Variants in COP1 observed in about 807,000 individuals in gnomAD.
COP1 encodes COP1 E3 ubiquitin ligase.
In COP1, 24 loss-of-function variants were observed where a neutral mutation model predicts 101.3. The observed-to-expected ratio is 0.24, with a 90% CI of 0.17 to 0.33. COP1 has a LOEUF of 0.33. COP1 is among the 10% of genes least tolerant of loss of function. The probability of loss-of-function intolerance (pLI) is 1.00; values close to 1 mark genes in which losing one functional copy is unlikely to be tolerated. For synonymous variants in COP1, 347 were observed against 341.9 expected, an observed-to-expected ratio of 1.01 and a Z score of -0.17; for missense variants, 663 against 906.2, an observed-to-expected ratio of 0.73 and a Z score of 3.45.
chr1:176,110,854 A>G (rs1161854242), intron 9 of COP1, among the ~76,000 whole-genome samples: 1 of 152,206 alleles, frequency 6.6e-6, no homozygotes, highest in East Asian at 1.9e-4. Flanking sequence ...TCAATAAAAA[A>G]TAGTAATAGA....
intron 9 of COP1, among the ~76,000 whole-genome samples, chr1:176,103,296 G>A (rs1025074086): frequency 1.3e-5 from 2 of 152,216 alleles, no homozygotes; most frequent in African/African-American, 4.8e-5. Context: ...CTGGTCAAAA[G>A]ATCACCAAGT....
intron 14 of COP1, among the ~76,000 whole-genome samples, chr1:176,033,614 A>G (rs1416355587): frequency 1.3e-5 from 2 of 152,148 alleles, no homozygotes; most frequent in East Asian, 3.8e-4. Flanking sequence ...AAAGGAAAAT[A>G]TATTTCTCCA....
intron 9 of COP1, among the ~76,000 whole-genome samples, chr1:176,091,081 C>T (rs1681193653): frequency 6.6e-6 from 1 of 152,048 alleles, no homozygotes; most frequent in Non-Finnish European, 1.5e-5. Context: ...GCAAAAAGGA[C>T]ATCAATAATC....
At chr1:176,139,525 A>G (rs1412437874) in intron 6 of COP1, among the ~76,000 whole-genome samples, 1 of 152,164 alleles carries the variant, frequency 6.6e-6, no homozygotes. Context: ...TATGTTCATC[A>G]TAGCTCTATT....
chr1:176,041,084 T>C (rs1333518081), intron 14 of COP1, among the ~76,000 whole-genome samples: 1 of 152,174 alleles, frequency 6.6e-6, no homozygotes, highest in Non-Finnish European at 1.5e-5. Flanking sequence ...TTTGCCTTGA[T>C]ATATGATGAA....
intron 9 of COP1, among the ~76,000 whole-genome samples, chr1:176,087,436 T>C (rs531963026): frequency 9.9e-5 from 15 of 152,174 alleles, no homozygotes; most frequent in African/African-American, 3.4e-4. Context: ...CATCAAAAAG[T>C]GGGAGAAGGG....
At chr1:176,173,579 G>A (rs1053763055) in intron 3 of COP1, among the ~76,000 whole-genome samples, 1 of 151,494 alleles carries the variant, frequency 6.6e-6, no homozygotes, top group African/African-American at 2.4e-5. Flanking sequence ...GATCAAGGCT[G>A]CAGTGAGCCA....
chr1:176,127,595 G>GTGTGTGTGTGTA (rs1558162883), intron 8 of COP1, among the ~76,000 whole-genome samples: 6 of 86,984 alleles, frequency 6.9e-5, no homozygotes, highest in African/African-American at 1.8e-4. Context: ...GTGTGTATGT[G>GTGTGTGTGTGTA]TATATATGTG....
chr1:176,060,350 A>G (rs1399823822), intron 11 of COP1, among the ~76,000 whole-genome samples: 1 of 152,194 alleles, frequency 6.6e-6, no homozygotes, highest in Non-Finnish European at 1.5e-5. Context: ...AATATACTTA[A>G]TATCAACTTT....
intron 18 of COP1, among the ~76,000 whole-genome samples, chr1:175,959,898 G>A (rs1257302060): frequency 6.6e-6 from 1 of 152,094 alleles, no homozygotes; most frequent in African/African-American, 2.4e-5. Context: ...AAAATGTACA[G>A]AGTCAAAAGT....
rs143549335 is a variant in COP1, at chr1:176,089,299, TAACAAC to T, written c.1027-3415_1027-3410del. 1.6e-3 allele frequency among the ~76,000 whole-genome samples: 246 copies of T among 150,598 alleles called. 1 individual carries two copies. The highest frequency in any genetic ancestry group is 3.0e-3 in the Non-Finnish European group (203 of 67,736). The stretch of plus-strand genomic sequence containing the variant: ...CAGACTGAGACTCTGTCTAAAACAA[TAACAAC>T]AACAACAACAACAACAACAACAATC... On this transcript the variant is annotated intron_variant, in intron 9 of 19. Transcript: ENST00000367669.
In COP1 at chr1:176,058,115, C is replaced by T. The variant is rs1280969618; in HGVS notation, c.1278-11791G>A. Among the ~76,000 whole-genome samples the T allele has an allele frequency of 2.2e-4, 26 of 118,162 alleles. 1 individual carries two copies. Among genetic ancestry groups the T allele is most frequent in the Non-Finnish European group, 7.3e-5 (4 of 54,446 alleles). The allele number at this position is 118,162 out of a possible 152,430, so 77.5% of individuals were successfully genotyped here. A position where few individuals can be genotyped will look rare whatever the true frequency, so the allele number is the denominator to read the frequency against. ...GTCAGCCCCCGCCCGGCCAGCCACC[C>T]CGTCGGGAGGGAGGTGGGGTGGGGG... On this transcript the variant is annotated intron_variant, in intron 11 of 19. Transcript: ENST00000367669.
rs562886332 is a variant in COP1 at position 176,048,895 on chromosome 1, G to A, written c.1278-2571C>T. Reference sequence around the variant, plus strand: ...AATGCTGTCAAAAGAATTAAGGGCCGGGCGCGGTGGCTCACGCCTGTAATC... The same window carrying A: ...AATGCTGTCAAAAGAATTAAGGGCCAGGCGCGGTGGCTCACGCCTGTAATC... On this transcript the variant is annotated intron_variant, in intron 11 of 19. Transcript: ENST00000367669. Among the ~76,000 whole-genome samples, 14 of 151,450 alleles carry A rather than the reference G, an allele frequency of 9.2e-5. No individual in the cohort carries two copies. The East Asian group carries it at 9.6e-4, about 10-fold the overall frequency.
chr1:176,145,158 A>G (rs1321143975), intron 6 of COP1, among the ~76,000 whole-genome samples: 1 of 152,156 alleles, frequency 6.6e-6, no homozygotes, highest in Non-Finnish European at 1.5e-5. Flanking sequence ...AACCATTAAG[A>G]AAAATCAAAC....
chr1:175,961,597 G>A (rs1651355140), intron 18 of COP1, among the ~76,000 whole-genome samples: 2 of 151,306 alleles, frequency 1.3e-5, no homozygotes, highest in Non-Finnish European at 2.9e-5. Context: ...TTGGGAGGCT[G>A]AGGCGGGAGG....
At chr1:176,166,000 C>T (rs2149976727) in intron 3 of COP1, among the ~76,000 whole-genome samples, 1 of 152,258 alleles carries the variant, frequency 6.6e-6, no homozygotes, top group South Asian at 2.1e-4. Flanking sequence ...CATGAATATG[C>T]CGCATTGAAT....
At chr1:176,076,920 A>C (rs577596421) in intron 11 of COP1, among the ~76,000 whole-genome samples, 8 of 152,346 alleles carry the variant, frequency 5.3e-5, no homozygotes, top group South Asian at 4.1e-4. Context: ...TCAAACAATA[A>C]GAAAGTGAAA....
chr1:176,151,257 GAGAA>G (rs1197929081), intron 5 of COP1, among the ~76,000 whole-genome samples: 11 of 131,518 alleles, frequency 8.4e-5, no homozygotes, highest in Admixed American at 1.6e-4. Context: ...GAAAGAAAGA[GAGAA>G]AGAAAGAAAA....
At position 176,084,264 on chromosome 1, in the gene COP1, C is replaced by T. The variant is rs373562003; in HGVS notation, c.1141+1512G>A. Among the ~76,000 whole-genome samples the T allele has an allele frequency of 2.6e-3, 401 of 152,194 alleles. 3 individuals are homozygous for T. Among genetic ancestry groups the T allele is most frequent in the African/African-American group, 9.2e-3 (381 of 41,540 alleles). On this transcript the variant is annotated intron_variant, in intron 10 of 19. Transcript: ENST00000367669. Reference sequence around the variant, plus strand: ...GATTACAGGCATGAGCCACTGCGCCCGGACTGATTTTGGGAATCTTAATAT... The same window carrying T: ...GATTACAGGCATGAGCCACTGCGCCTGGACTGATTTTGGGAATCTTAATAT...
Sources: allele counts gnomAD v4.1 joint callset (sites outside exome capture counted in the v4.1 genomes callset), GRCh38; gene constraint gnomAD v4.1.1; transcripts MANE v1.5; gene names NCBI Gene and HGNC (gene_info 2026-07-23, HGNC 2026-07-21).